The following PER3 variants were observed in gnomAD, a reference collection of about 807,000 sequenced individuals.
PER3 encodes period circadian regulator 3.
PER3 carries 107 observed loss-of-function variants against 127.2 expected under a neutral mutation model. The observed-to-expected ratio is 0.84, with a 90% CI of 0.72 to 0.99. The LOEUF is 0.99. Among genes scored for constraint, PER3 ranks in the 50% least tolerant of loss-of-function variants. The pLI is 0.00. For missense variants in PER3, 1,560 were observed against 1,525.8 expected (o/e 1.02, Z -0.37); for synonymous variants, 618 against 585.8 (o/e 1.05, Z -0.79).
At chr1:7,841,297 T>TTG in intron 21 of PER3, among the ~76,000 whole-genome samples, 1 of 152,172 alleles carries the variant, frequency 6.6e-6, no homozygotes, top group East Asian at 1.9e-4. Flanking sequence ...GATTTTTTTT[T>TTG]TTTTTGGTTG....
chr1:7,792,784 G>A (rs2097127929), intron 5 of PER3, among the ~76,000 whole-genome samples: 1 of 152,170 alleles, frequency 6.6e-6, no homozygotes, highest in Non-Finnish European at 1.5e-5. Flanking sequence ...TACTTCTTCA[G>A]AGTACGCTTT....
chr1:7,815,600 G>C (rs2097244766), intron 13 of PER3, among the ~76,000 whole-genome samples: 1 of 152,162 alleles, frequency 6.6e-6, no homozygotes, highest in South Asian at 2.1e-4. Flanking sequence ...ATCAGTAACA[G>C]AGGTATCCAG....
chr1:7,843,858 T>C lies in PER3; in HGVS notation c.*1103T>C. ...GTGTCTTTTAAGAAGTGAGTGTGATTGTTTACTTGATAAATCAGCTCACTC... is the reference window on the plus strand; with the variant it reads ...GTGTCTTTTAAGAAGTGAGTGTGATCGTTTACTTGATAAATCAGCTCACTC... On this transcript the variant is annotated 3_prime_UTR_variant, in exon 22 of 22. Transcript: ENST00000377532. 1 of 1,184,910 alleles carries C rather than the reference T, an allele frequency of 8.4e-7. No homozygotes were observed. The allele number at this position is 1,184,910 out of a possible 1,614,324, so 73.4% of individuals were successfully genotyped here. A position where few individuals can be genotyped will look rare whatever the true frequency, so the allele number is the denominator to read the frequency against.
At chr1:7,814,142 C>A (rs1239021188) in intron 13 of PER3, among the ~76,000 whole-genome samples, 1 of 152,120 alleles carries the variant, frequency 6.6e-6, no homozygotes, top group Non-Finnish European at 1.5e-5. Flanking sequence ...CAGAATAGAG[C>A]ATTCTAAGAA....
chr1:7,803,793 G>A lies in PER3; in HGVS notation c.1081G>A (p.Val361Met). The A allele has an allele frequency of 1.9e-6, 3 of 1,613,728 alleles. No individual in the cohort carries two copies. The highest frequency in any genetic ancestry group is 2.5e-6 in the Non-Finnish European group (3 of 1,179,698). The change falls in exon 10 of 22, where the codon GTG (valine) becomes ATG (methionine). Residue 361 changes from valine (V) to methionine (M), a missense_variant. By Grantham distance (21) the Val-to-Met change is conservative. This residue lies in a region of PER3 where 1,332 missense variants were observed against 1,223.6 expected (regional missense o/e 1.09). Transcript: ENST00000377532. The part of the protein sequence containing the change: ...IILDSSWSSF[V>M]NPWSRKISFI... The stretch of plus-strand genomic sequence containing the variant: ...ACTGGATTCCAGTTGGTCCAGCTTT[G>A]TGAATCCCTGGAGCCGGAAGATTTC...
intron 18 of PER3, 143 bp downstream of exon 18, chr1:7,827,958 T>G: frequency 1.6e-6 from 1 of 622,400 alleles, no homozygotes; most frequent in Non-Finnish European, 2.8e-6. Context: ...CCTAATTCTG[T>G]GTAAACATGA....
intron 13 of PER3, among the ~76,000 whole-genome samples, chr1:7,813,017 G>A (rs1217339098): frequency 2.0e-5 from 3 of 152,172 alleles, no homozygotes; most frequent in Non-Finnish European, 2.9e-5. Flanking sequence ...ATGTGTTATA[G>A]GAACTTAAGT....
chr1:7,840,998 T>G (rs1416723988), intron 21 of PER3, among the ~76,000 whole-genome samples: 2 of 152,208 alleles, frequency 1.3e-5, no homozygotes, highest in Non-Finnish European at 2.9e-5. Flanking sequence ...ATTGGTTTAT[T>G]TTTCCCTTTG....
chr1:7,836,750 T>C (rs1359633219), intron 20 of PER3: 1 of 321,330 alleles, frequency 3.1e-6, no homozygotes, highest in Non-Finnish European at 5.7e-6. Flanking sequence ...TTGCCCCTTC[T>C]AAAAAGAGCT....
In PER3 at chr1:7,820,152, A is replaced by T; in HGVS notation, c.1696A>T (p.Lys566Ter). The change falls in exon 15 of 22, where the codon AAG becomes TAG. Residue 566 changes from lysine to a stop codon, truncating the protein, a stop_gained. Coordinates refer to ENST00000377532, the MANE Select transcript of PER3 (RefSeq NM_001377275.1). LOFTEE classifies it high-confidence loss of function. ...KSYNIPALKR[K>*]CISCTNTTSS... Reference sequence around the variant, plus strand: ...CTACAACATTCCAGCTTTGAAAAGAAAGTGTATCTCCTGTACAAATACAAC... The same window carrying T: ...CTACAACATTCCAGCTTTGAAAAGATAGTGTATCTCCTGTACAAATACAAC... 1 of 1,613,540 alleles carries T rather than the reference A, an allele frequency of 6.2e-7. No homozygotes were observed. Among genetic ancestry groups the T allele is most frequent in the Non-Finnish European group, 8.5e-7 (1 of 1,179,472 alleles).
chr1:7,829,043 G>C (rs910578228), intron 18 of PER3, among the ~76,000 whole-genome samples: 3 of 152,092 alleles, frequency 2.0e-5, no homozygotes, highest in African/African-American at 7.2e-5. Context: ...AGATAGGCTG[G>C]AACGTTTTTA....
At position 7,803,759 on chromosome 1, in the gene PER3, C is replaced by G; in HGVS notation, c.1047C>G (p.Asp349Glu). Residue 349 changes from aspartate to glutamate, a missense_variant, in exon 10 of 22, where the codon GAC becomes GAG. Transcript: ENST00000377532. ...SPIRFCTQNGDYIILDSSWSS... is the reference protein window; with the variant it reads ...SPIRFCTQNGEYIILDSSWSS... ...TTCGATTTTGTACTCAAAACGGAGA[C>G]TACATCATACTGGATTCCAGTTGGT... 1 of 1,610,240 alleles carries G rather than the reference C, an allele frequency of 6.2e-7. No individual in the cohort carries two copies. Among genetic ancestry groups the G allele is most frequent in the South Asian group, 1.1e-5 (1 of 90,990 alleles).
intron 20 of PER3, among the ~76,000 whole-genome samples, 172 bp downstream of exon 20, chr1:7,836,117 C>T (rs947187679): frequency 2.0e-5 from 3 of 152,108 alleles, no homozygotes; most frequent in African/African-American, 7.2e-5. Flanking sequence ...TCTGCCTCAG[C>T]CTCCCGAGTA....
At chr1:7,796,149 C>T (rs1015015513) in intron 6 of PER3, among the ~76,000 whole-genome samples, 19 of 152,052 alleles carry the variant, frequency 1.2e-4, no homozygotes, top group African/African-American at 3.9e-4. Flanking sequence ...ATTCCTTAGC[C>T]CAGACTTGGC....
chr1:7,832,612 AT>A (rs2097337221), intron 19 of PER3, among the ~76,000 whole-genome samples: 2 of 151,658 alleles, frequency 1.3e-5, no homozygotes, highest in Admixed American at 1.3e-4. Context: ...TGATCTCATG[AT>A]TCGCCCGCCT....
In PER3 at chr1:7,837,165, A is replaced by G; in HGVS notation, c.3549+16A>G. On this transcript the variant is annotated intron_variant, in intron 21 of 21. Coordinates refer to ENST00000377532, the MANE Select transcript of PER3 (RefSeq NM_001377275.1). ...CGACATTCAAGTAAGCACAGTAATA[A>G]TGGCTGTCATATACTCATGTATTTT... is the stretch of plus-strand genomic sequence containing the variant. 1 of 1,610,152 alleles carries G rather than the reference A, an allele frequency of 6.2e-7. No individual in the cohort carries two copies. Among genetic ancestry groups the G allele is most frequent in the Non-Finnish European group, 8.5e-7 (1 of 1,177,768 alleles).
At chr1:7,795,942 T>C (rs2097143444) in intron 6 of PER3, among the ~76,000 whole-genome samples, 1 of 152,260 alleles carries the variant, frequency 6.6e-6, no homozygotes, top group South Asian at 2.1e-4. Flanking sequence ...AGATCTCGTC[T>C]GATTTCCTGC....
intron 7 of PER3, among the ~76,000 whole-genome samples, chr1:7,800,684 A>G (rs1050952020): frequency 3.3e-5 from 5 of 152,018 alleles, no homozygotes; most frequent in African/African-American, 9.7e-5. Flanking sequence ...ATGATGAGCC[A>G]GGTGTGGTGG....
chr1:7,819,378 G>C lies in PER3; in HGVS notation c.1616G>C (p.Ser539Thr). 6.2e-7 allele frequency: 1 copy of C among 1,614,070 alleles called. No individual in the cohort carries two copies. The highest frequency in any genetic ancestry group is 1.1e-5 in the South Asian group (1 of 91,088). ...PCEDLRNDEH[S>T]PSYQQINCID... ...GAGGATTTGAGGAACGATGAGCACA[G>C]CCCATCCTATCAACAGATCAACTGT... The change falls in exon 14 of 22, where the codon AGC becomes ACC. Residue 539 changes from serine (S) to threonine (T), a missense_variant. Physicochemically the swap from Ser to Thr is moderately conservative, Grantham distance 58. Transcript: ENST00000377532.
Sources: allele counts gnomAD v4.1 joint callset (sites outside exome capture counted in the v4.1 genomes callset), GRCh38; gene constraint gnomAD v4.1.1; regional missense constraint gnomAD v4.1.1; transcripts MANE v1.5; gene names NCBI Gene and HGNC (gene_info 2026-07-23, HGNC 2026-07-21).